The following SPAG16 variants were observed in gnomAD, a reference collection of about 807,000 sequenced individuals.
SPAG16 encodes sperm-associated antigen 16 protein.
In SPAG16, 86 loss-of-function variants were observed where a neutral mutation model predicts 80.4. The ratio of observed to expected loss-of-function variants is 1.07; its 90% CI spans 0.90 to 1.28. SPAG16 has a LOEUF of 1.28. Ranked by LOEUF, SPAG16 falls within the 50% of genes most tolerant of loss-of-function variation. SPAG16 has a pLI of 0.00. For synonymous variants in SPAG16, 294 were observed against 265.9 expected (o/e 1.11, Z -1.03); for missense variants, 870 against 765.3 (o/e 1.14, Z -1.61).
chr2:213,815,703 T>C (rs952480059), intron 10 of SPAG16, among the ~76,000 whole-genome samples: 6 of 152,110 alleles, frequency 3.9e-5, no homozygotes, highest in Admixed American at 6.5e-5. Flanking sequence ...GTTCACTAAC[T>C]AGATCAATTT....
intron 10 of SPAG16, among the ~76,000 whole-genome samples, chr2:213,712,305 G>C (rs1371136480): frequency 2.0e-5 from 3 of 152,058 alleles, no homozygotes; most frequent in African/African-American, 4.8e-5. Context: ...ACTGAGCTGA[G>C]GGCTAGGGAA....
At chr2:213,474,196 A>G (rs1252047169) in intron 9 of SPAG16, among the ~76,000 whole-genome samples, 1 of 152,166 alleles carries the variant, frequency 6.6e-6, no homozygotes, top group African/African-American at 2.4e-5. Context: ...GCAGGGTCCC[A>G]TTCTTTTCCA....
At chr2:213,656,403 C>T (rs572060314) in intron 10 of SPAG16, among the ~76,000 whole-genome samples, 1 of 152,340 alleles carries the variant, frequency 6.6e-6, no homozygotes, top group African/African-American at 2.4e-5. Flanking sequence ...ATCTCCTCCG[C>T]CCGCCTCGGC....
chr2:214,033,923 C>T (rs1053578353), intron 13 of SPAG16, among the ~76,000 whole-genome samples: 2 of 152,164 alleles, frequency 1.3e-5, no homozygotes, highest in African/African-American at 2.4e-5. Flanking sequence ...ATTTGTTAAC[C>T]TGCCCCAATA....
intron 15 of SPAG16, among the ~76,000 whole-genome samples, chr2:214,260,593 T>G (rs1691072143): frequency 6.6e-6 from 1 of 152,146 alleles, no homozygotes; most frequent in South Asian, 2.1e-4. Context: ...CTTTTCATCT[T>G]AAGGACTCCT....
chr2:213,789,416 G>A (rs1011880267), intron 10 of SPAG16, among the ~76,000 whole-genome samples: 5 of 151,890 alleles, frequency 3.3e-5, no homozygotes, highest in Non-Finnish European at 5.9e-5. Context: ...CATTTAAAAA[G>A]TAATATTGCA....
intron 11 of SPAG16, among the ~76,000 whole-genome samples, chr2:213,875,707 C>G (rs748796194): frequency 6.6e-6 from 1 of 152,148 alleles, no homozygotes; most frequent in Non-Finnish European, 1.5e-5. Context: ...AGATGCCAGA[C>G]TAAAACCAAA....
At chr2:213,974,063 A>G (rs2045229505) in intron 12 of SPAG16, among the ~76,000 whole-genome samples, 1 of 152,110 alleles carries the variant, frequency 6.6e-6, no homozygotes, top group Non-Finnish European at 1.5e-5. Flanking sequence ...TAGGATTTTT[A>G]TAGTTAGTGA....
chr2:213,529,238 A>G (rs1269986465), intron 10 of SPAG16, among the ~76,000 whole-genome samples: 1 of 152,198 alleles, frequency 6.6e-6, no homozygotes, highest in Non-Finnish European at 1.5e-5. Context: ...TGCAGTTACC[A>G]TGGATATTGC....
At chr2:214,141,544 C>G in intron 14 of SPAG16, among the ~76,000 whole-genome samples, 1 of 151,698 alleles carries the variant, frequency 6.6e-6, no homozygotes, top group Non-Finnish European at 1.5e-5. Context: ...CAATGCTATA[C>G]TTAGGATTTT....
At chr2:213,715,709 G>T (rs1192272575) in intron 10 of SPAG16, among the ~76,000 whole-genome samples, 1 of 152,140 alleles carries the variant, frequency 6.6e-6, no homozygotes, top group Non-Finnish European at 1.5e-5. Flanking sequence ...CCTGACATTA[G>T]TTGTATGGCT....
At chr2:213,335,470 CATCTT>C (rs1361710012) in intron 5 of SPAG16, among the ~76,000 whole-genome samples, 1 of 152,122 alleles carries the variant, frequency 6.6e-6, no homozygotes, top group African/African-American at 2.4e-5. Flanking sequence ...ACAACAGAGA[CATCTT>C]GACCAGAAGC....
intron 15 of SPAG16, among the ~76,000 whole-genome samples, chr2:214,292,912 T>C (rs978945889): frequency 6.6e-6 from 1 of 152,224 alleles, no homozygotes; most frequent in African/African-American, 2.4e-5. Flanking sequence ...TCATCAGCTG[T>C]AAAGTGTCAG....
intron 15 of SPAG16, among the ~76,000 whole-genome samples, chr2:214,273,448 C>T (rs1286662700): frequency 1.3e-5 from 2 of 152,066 alleles, no homozygotes; most frequent in African/African-American, 4.8e-5. Context: ...GTCTTTAATC[C>T]ATCTTGAATT....
chr2:213,708,566 G>A (rs539514301), intron 10 of SPAG16, among the ~76,000 whole-genome samples: 1 of 152,168 alleles, frequency 6.6e-6, no homozygotes, highest in South Asian at 2.1e-4. Context: ...AGCCAAGGTG[G>A]GTGGATCACA....
chr2:213,827,213 A>G lies in SPAG16; in HGVS notation c.1071-35272A>G, dbSNP rs1023949595. ...ATGTTATTAATGACCTACTCTGGCC[A>G]TTTTGTTTTTTGTTGTCTAGTTGTT... On this transcript the variant is annotated intron_variant, in intron 10 of 15. Transcript: ENST00000331683. Among the ~76,000 whole-genome samples, 3 of 151,808 alleles carry G rather than the reference A, an allele frequency of 2.0e-5. No homozygotes were observed. The South Asian group carries it at 6.2e-4, about 32-fold the overall frequency.
chr2:213,371,144 C>G (rs970905946), intron 8 of SPAG16, among the ~76,000 whole-genome samples: 1 of 152,138 alleles, frequency 6.6e-6, no homozygotes, highest in African/African-American at 2.4e-5. Flanking sequence ...CGTGGTGGCT[C>G]ACGCCTGTAA....
At chr2:213,472,028 T>G (rs1280529796) in intron 9 of SPAG16, among the ~76,000 whole-genome samples, 2 of 152,230 alleles carry the variant, frequency 1.3e-5, no homozygotes, top group Non-Finnish European at 2.9e-5. Flanking sequence ...ATAAGCCCTG[T>G]GTGTTTGCTA....
intron 9 of SPAG16, among the ~76,000 whole-genome samples, chr2:213,471,182 C>T (rs528663782): frequency 1.3e-5 from 2 of 152,182 alleles, no homozygotes; most frequent in Non-Finnish European, 2.9e-5. Flanking sequence ...AGGACTTAAT[C>T]TTCTCTTCCT....
Sources: gnomAD v4.1 joint callset for allele counts (sites outside exome capture counted in the v4.1 genomes callset) on GRCh38, gnomAD v4.1.1 for gene constraint, MANE v1.5 for transcripts, NCBI Gene and HGNC (gene_info 2026-07-23, HGNC 2026-07-21) for gene names.